EPS15: variants seen among roughly 807,000 people sequenced by gnomAD.
EPS15 encodes epidermal growth factor receptor substrate 15.
EPS15 carries 72 observed loss-of-function variants against 113.8 expected under a neutral mutation model. That is an observed-to-expected ratio of 0.63 (90% CI 0.52 to 0.77). The LOEUF (loss-of-function observed/expected upper bound fraction) is 0.77. Ranked by LOEUF, EPS15 falls within the 30% of genes least tolerant of loss-of-function variation. The probability of loss-of-function intolerance (pLI) is 0.00; values close to 1 mark genes in which losing one functional copy is unlikely to be tolerated. For synonymous variants in EPS15, 344 were observed against 363.4 expected (o/e 0.95, Z 0.61); for missense variants, 1,048 against 1,045.8 (o/e 1.00, Z -0.03).
At chr1:51,514,106 T>C (rs1332242473) in intron 1 of EPS15, among the ~76,000 whole-genome samples, 1 of 152,184 alleles carries the variant, frequency 6.6e-6, no homozygotes, top group Admixed American at 6.5e-5. Context: ...TTAGATCATT[T>C]GTCTAAATAA....
At chr1:51,424,226 G>A (rs1470284777) in intron 12 of EPS15, among the ~76,000 whole-genome samples, 1 of 152,044 alleles carries the variant, frequency 6.6e-6, no homozygotes, top group Non-Finnish European at 1.5e-5. Context: ...AACTTGTCCT[G>A]TATATCAGAC....
intron 2 of EPS15, among the ~76,000 whole-genome samples, chr1:51,474,505 A>T (rs1655462938): frequency 1.3e-5 from 2 of 152,164 alleles, no homozygotes; most frequent in Admixed American, 6.5e-5. Flanking sequence ...GCTGAACAAG[A>T]ATTACACAGG....
chr1:51,498,615 T>C (rs1644365116), intron 1 of EPS15, among the ~76,000 whole-genome samples: 2 of 152,330 alleles, frequency 1.3e-5, no homozygotes, highest in East Asian at 1.9e-4. Flanking sequence ...ATTTCTGACA[T>C]ATGATATTTT....
intron 1 of EPS15, among the ~76,000 whole-genome samples, chr1:51,514,655 T>C (rs1644682594): frequency 6.6e-6 from 1 of 152,210 alleles, no homozygotes; most frequent in African/African-American, 2.4e-5. Flanking sequence ...TATTACACGT[T>C]AGTCTGTTAC....
chr1:51,450,916 T>C (rs968646800), intron 8 of EPS15, among the ~76,000 whole-genome samples: 1 of 151,802 alleles, frequency 6.6e-6, no homozygotes, highest in African/African-American at 2.4e-5. Flanking sequence ...ATTAAAAAAA[T>C]CACAAAGAAC....
At chr1:51,361,145 C>T in intron 24 of EPS15, 26 bp downstream of exon 24, 1 of 1,565,644 alleles carries the variant, frequency 6.4e-7, no homozygotes, top group Non-Finnish European at 8.7e-7. Flanking sequence ...GATTTCTCCC[C>T]CAAACAGCTC....
intron 12 of EPS15, among the ~76,000 whole-genome samples, chr1:51,435,659 T>A (rs565030569): frequency 1.3e-5 from 2 of 152,350 alleles, no homozygotes; most frequent in East Asian, 3.9e-4. Flanking sequence ...TTCAACCAAC[T>A]AGCCTATTCC....
At chr1:51,411,081 C>T (rs1327260319) in intron 13 of EPS15, among the ~76,000 whole-genome samples, 1 of 152,160 alleles carries the variant, frequency 6.6e-6, no homozygotes, top group Non-Finnish European at 1.5e-5. Context: ...ATGTGACATA[C>T]CATCTGCAGA....
intron 21 of EPS15, 77 bp downstream of exon 21, chr1:51,394,304 T>C (rs957083013): frequency 2.3e-6 from 2 of 866,004 alleles, no homozygotes; most frequent in African/African-American, 1.7e-5. Context: ...ACAGGACAAA[T>C]ATATTTAGAG....
intron 21 of EPS15, chr1:51,372,428 A>C: frequency 3.7e-6 from 2 of 534,816 alleles, no homozygotes; most frequent in South Asian, 1.4e-5. Flanking sequence ...ACAGTTCTGG[A>C]GTCCCTTTTG....
chr1:51,442,665 C>G (rs1264211759), intron 11 of EPS15, among the ~76,000 whole-genome samples: 6 of 152,104 alleles, frequency 3.9e-5, no homozygotes, highest in Non-Finnish European at 8.8e-5. Flanking sequence ...GGAAGGCAGA[C>G]TAAAATGCAC....
chr1:51,488,251 C>A (rs1644160775), intron 1 of EPS15, among the ~76,000 whole-genome samples: 1 of 149,948 alleles, frequency 6.7e-6, no homozygotes, highest in African/African-American at 2.4e-5. Flanking sequence ...ACTTTAACTC[C>A]AACTGTCAAA....
chr1:51,492,879 T>C (rs1271617742), intron 1 of EPS15, among the ~76,000 whole-genome samples: 1 of 152,222 alleles, frequency 6.6e-6, no homozygotes, highest in East Asian at 1.9e-4. Flanking sequence ...AATAAACTCC[T>C]CTTTGCTCAC....
intron 8 of EPS15, among the ~76,000 whole-genome samples, chr1:51,457,004 G>T (rs1326008966): frequency 6.6e-6 from 1 of 152,088 alleles, no homozygotes; most frequent in East Asian, 1.9e-4. Flanking sequence ...CATGAGGGGG[G>T]GCCAGGCACA....
intron 22 of EPS15, 40 bp downstream of exon 22, chr1:51,365,911 AAC>A (rs1646497073): frequency 1.5e-6 from 2 of 1,355,534 alleles, no homozygotes; most frequent in East Asian, 2.3e-5. Flanking sequence ...TTTTGGTGGA[AAC>A]ACAGTATGTT....
intron 12 of EPS15, among the ~76,000 whole-genome samples, chr1:51,434,428 T>C (rs1370567615): frequency 6.6e-6 from 1 of 151,998 alleles, no homozygotes; most frequent in Non-Finnish European, 1.5e-5. Flanking sequence ...TTATGCTGAG[T>C]GAAATAAGAT....
intron 21 of EPS15, among the ~76,000 whole-genome samples, chr1:51,374,729 G>A (rs1437783841): frequency 1.3e-5 from 2 of 152,096 alleles, no homozygotes; most frequent in African/African-American, 4.8e-5. Context: ...TCAATGTGAG[G>A]CAAAATATTT....
intron 1 of EPS15, among the ~76,000 whole-genome samples, chr1:51,515,290 G>A (rs1644694166): frequency 6.6e-6 from 1 of 151,720 alleles, no homozygotes; most frequent in African/African-American, 2.4e-5. Flanking sequence ...AACATAGTGA[G>A]TGAGTCCCTG....
chr1:51,356,185 A>T lies in EPS15; in HGVS notation c.*515T>A, dbSNP rs1052924351. 2 of 212,122 alleles carry T rather than the reference A, an allele frequency of 9.4e-6. No homozygotes were observed. The highest frequency in any genetic ancestry group is 1.9e-5 in the Non-Finnish European group (2 of 104,790). 13.1% of individuals were successfully genotyped at this position (212,122 alleles called of 1,614,324 possible). A position where few individuals can be genotyped will look rare whatever the true frequency, so the allele number is the denominator to read the frequency against. ...ATATTTTTCCTTATCTCTGAAAAAC[A>T]AATTAAGTAGAGGAAATTTAAAAAT... is the stretch of plus-strand genomic sequence containing the variant. On this transcript the variant is annotated 3_prime_UTR_variant, in exon 25 of 25. Coordinates refer to ENST00000371733, the MANE Select transcript of EPS15 (RefSeq NM_001981.3).
Sources: gnomAD v4.1 joint callset for allele counts (sites outside exome capture counted in the v4.1 genomes callset) on GRCh38, gnomAD v4.1.1 for gene constraint, MANE v1.5 for transcripts, NCBI Gene and HGNC (gene_info 2026-07-23, HGNC 2026-07-21) for gene names.